OPTC: variants seen among roughly 807,000 people sequenced by gnomAD.
The protein encoded by OPTC is opticin, also known as oculoglycan.
A neutral mutation model predicts 25.4 loss-of-function variants in OPTC; 22 were observed. The ratio of observed to expected loss-of-function variants is 0.87; its 90% CI spans 0.62 to 1.24. The LOEUF (loss-of-function observed/expected upper bound fraction) is 1.24. Ranked by LOEUF, OPTC falls within the 50% of genes most tolerant of loss-of-function variation. The pLI is 0.00. For missense variants in OPTC, 417 were observed against 425.2 expected (o/e 0.98, Z 0.17); for synonymous variants, 169 against 179.3 (o/e 0.94, Z 0.46).
chr1:203,499,526 A>C, intron 4 of OPTC, 123 bp from the exon 5 acceptor site: 1 of 841,658 alleles, frequency 1.2e-6, no homozygotes, highest in Non-Finnish European at 2.1e-6. Flanking sequence ...GTGCAGGTGG[A>C]GAGCTGGTTA....
rs34000310 is a variant in OPTC at position 203,495,745 on chromosome 1, G to A, written c.-41-220G>A. Among the ~76,000 whole-genome samples the A allele has an allele frequency of 0.018, 2,674 of 152,284 alleles. 43 individuals carry two copies. The highest frequency in any genetic ancestry group is 0.058 in the South Asian group (278 of 4,824). On this transcript the variant is annotated intron_variant, in intron 1 of 7. Coordinates refer to ENST00000367222, the MANE Select transcript of OPTC (RefSeq NM_014359.4). ...TGTGAGTGAATATCAGTGTTTGGGT[G>A]AGCGTGTAAAAACACTCAAGTGGGG... is the stretch of plus-strand genomic sequence containing the variant.
intron 5 of OPTC, among the ~76,000 whole-genome samples, chr1:203,501,666 C>T (rs944255769): frequency 6.6e-6 from 1 of 152,206 alleles, no homozygotes; most frequent in Non-Finnish European, 1.5e-5. Context: ...GGCACACCTG[C>T]TTGCTCTCTT....
In OPTC at chr1:203,507,771, A is replaced by G. The variant is rs1168107125; in HGVS notation, c.*26-875A>G. Among the ~76,000 whole-genome samples the G allele has an allele frequency of 2.1e-5, 3 of 140,670 alleles. No homozygotes were observed. In the East Asian group the frequency reaches 7.5e-4, roughly 35 times the overall value. 92.3% of individuals were successfully genotyped at this position (140,670 alleles called of 152,430 possible). A position where few individuals can be genotyped will look rare whatever the true frequency, so the allele number is the denominator to read the frequency against. On this transcript the variant is annotated intron_variant, in intron 7 of 7. Transcript: ENST00000367222. Reference sequence around the variant, plus strand: ...GGTCCTGTTTTTCCAAAGGTTACCCAGCAAGGCCTAGGGCCAGAGGAGGCT... The same window carrying G: ...GGTCCTGTTTTTCCAAAGGTTACCCGGCAAGGCCTAGGGCCAGAGGAGGCT...
Position 203,499,636 on chromosome 1 carries a change from T to A in OPTC, c.530-13T>A. On this transcript the variant is annotated splice_polypyrimidine_tract_variant and intron_variant, in intron 4 of 7. Transcript: ENST00000367222. The stretch of plus-strand genomic sequence containing the variant: ...TCTGGTTTCTCTCTTTGTTCTCCCC[T>A]AACCTCTCTCAGCAAAGTTGAAGAG... The A allele has an allele frequency of 6.2e-7, 1 of 1,611,122 alleles. No homozygotes were observed. Among genetic ancestry groups the A allele is most frequent in the Non-Finnish European group, 8.5e-7 (1 of 1,177,712 alleles).
chr1:203,494,386 G>T (rs955644761), intron 1 of OPTC, among the ~76,000 whole-genome samples, 169 bp downstream of exon 1: 1 of 152,172 alleles, frequency 6.6e-6, no homozygotes, highest in Non-Finnish European at 1.5e-5. Flanking sequence ...AATTTTTTTT[G>T]AGATTATGTA....
chr1:203,503,895 C>A, intron 7 of OPTC, 150 bp downstream of exon 7: 6 of 722,684 alleles, frequency 8.3e-6, no homozygotes, highest in Non-Finnish European at 1.2e-5. Context: ...CATACACACA[C>A]ACACTCATGT....
chr1:203,498,596 A>G, intron 3 of OPTC, 85 bp from the exon 4 acceptor site: 1 of 1,547,014 alleles, frequency 6.5e-7, no homozygotes, highest in Non-Finnish European at 8.9e-7. Context: ...ACAGATGGCC[A>G]TGGTTCAGAC....
At chr1:203,501,883 A>G (rs1177736697) in intron 5 of OPTC, among the ~76,000 whole-genome samples, 2 of 152,142 alleles carry the variant, frequency 1.3e-5, no homozygotes, top group African/African-American at 4.8e-5. Flanking sequence ...CCCACTGCTC[A>G]GCCTCAGCAA....
intron 1 of OPTC, 135 bp downstream of exon 1, chr1:203,494,352 G>A (rs1661244435): frequency 6.6e-6 from 1 of 152,230 alleles, no homozygotes; most frequent in Non-Finnish European, 1.5e-5. Context: ...AGACTTTTGG[G>A]TGGGCACTAA....
rs761290270 is a variant in OPTC at position 203,496,106 on chromosome 1, T to A, written c.101T>A (p.Met34Lys). 1.9e-6 allele frequency: 3 copies of A among 1,613,994 alleles called. No individual in the cohort carries two copies. The highest frequency in any genetic ancestry group is 1.3e-5 in the African/African-American group (1 of 74,920). The change falls in exon 2 of 8, where the codon ATG (methionine) becomes AAG (lysine). Residue 34 changes from methionine (M) to lysine (K), a missense_variant. Physicochemically the swap from Met to Lys is moderately conservative, Grantham distance 95. Coordinates refer to ENST00000367222, the MANE Select transcript of OPTC (RefSeq NM_014359.4). ...RKERKRREEQ[M>K]PREGDSFEVL... ...GAGAGGAAGAGGAGAGAGGAGCAGA[T>A]GCCCAGGGAAGGCGATTCCTTTGAA...
intron 1 of OPTC, 124 bp from the exon 2 acceptor site, chr1:203,495,841 G>C: frequency 1.5e-6 from 1 of 662,016 alleles, no homozygotes; most frequent in Non-Finnish European, 2.8e-6. Context: ...ATTTGTGCAT[G>C]TGATGAGAGC....
chr1:203,499,604 A>T, intron 4 of OPTC, 45 bp from the exon 5 acceptor site: 1 of 1,500,586 alleles, frequency 6.7e-7, no homozygotes, highest in Non-Finnish European at 9.3e-7. Flanking sequence ...AAGGAAAGAT[A>T]GTGTGTTCTG....
chr1:203,504,325 A>G (rs1661442050), intron 7 of OPTC, among the ~76,000 whole-genome samples: 1 of 152,078 alleles, frequency 6.6e-6, no homozygotes, highest in African/African-American at 2.4e-5. Flanking sequence ...CGTGCCCTTG[A>G]AGTTATTTCT....
Position 203,507,425 on chromosome 1 carries a change from A to T in OPTC, c.*26-1221A>T, listed in dbSNP as rs1008454161. Among the ~76,000 whole-genome samples, 9 of 152,182 alleles carry T rather than the reference A, an allele frequency of 5.9e-5. No individual in the cohort carries two copies. In the South Asian group the frequency reaches 6.2e-4, roughly 10 times the overall value. Reference sequence around the variant, plus strand: ...CCAGCCGGCAGTCTAGGTTTGCATCACATCCACCTCCTCCAACACCAGACT... The same window carrying T: ...CCAGCCGGCAGTCTAGGTTTGCATCTCATCCACCTCCTCCAACACCAGACT... On this transcript the variant is annotated intron_variant, in intron 7 of 7. Transcript: ENST00000367222.
intron 3 of OPTC, among the ~76,000 whole-genome samples, chr1:203,497,691 G>A (rs902078481): frequency 6.6e-6 from 1 of 152,158 alleles, no homozygotes; most frequent in African/African-American, 2.4e-5. Context: ...GCTTGCCCGC[G>A]GTTTCCCTGT....
chr1:203,502,945 C>T lies in OPTC; in HGVS notation c.764C>T (p.Ser255Leu). Residue 255 changes from serine to leucine, a missense_variant, in exon 6 of 8, where the codon TCA becomes TTA. Coordinates refer to ENST00000367222, the MANE Select transcript of OPTC (RefSeq NM_014359.4). ...AMEKLQFLYLSDNLLDSIPGP... is the reference protein window; with the variant it reads ...AMEKLQFLYLLDNLLDSIPGP... ...GAGAAGCTGCAGTTCCTTTACCTGT[C>T]AGACAACCTGCTGGATTCTATCCCG... is the stretch of plus-strand genomic sequence containing the variant. 5.6e-6 allele frequency: 9 copies of T among 1,614,004 alleles called. No homozygotes were observed. The highest frequency in any genetic ancestry group is 7.6e-6 in the Non-Finnish European group (9 of 1,180,034).
intron 6 of OPTC, 100 bp from the exon 7 acceptor site, chr1:203,503,450 A>G: frequency 8.2e-7 from 1 of 1,221,370 alleles, no homozygotes; most frequent in Non-Finnish European, 1.2e-6. Flanking sequence ...CAGTTGCACC[A>G]GAGCAGGCAG....
chr1:203,497,792 G>C (rs1297613518), intron 3 of OPTC, among the ~76,000 whole-genome samples: 1 of 152,142 alleles, frequency 6.6e-6, no homozygotes, highest in Non-Finnish European at 1.5e-5. Context: ...ACCTCTCAGA[G>C]CTACAGTCTC....
At chr1:203,505,951 A>AGTGTGT (rs34373102) in intron 7 of OPTC, among the ~76,000 whole-genome samples, 2,206 of 150,072 alleles carry the variant, frequency 0.015, 26 homozygotes, top group Middle Eastern at 0.049. Flanking sequence ...TCTCTCTCAG[A>AGTGTGT]GTGTGTGTGT....
Sources: allele counts gnomAD v4.1 joint callset (sites outside exome capture counted in the v4.1 genomes callset), GRCh38; gene constraint gnomAD v4.1.1; transcripts MANE v1.5; gene names NCBI Gene and HGNC (gene_info 2026-07-23, HGNC 2026-07-21).